Variants in PTPRM observed in about 807,000 individuals in gnomAD.
PTPRM encodes the protein receptor-type tyrosine-protein phosphatase mu.
A neutral mutation model predicts 186.7 loss-of-function variants in PTPRM; 47 were observed. That is an observed-to-expected ratio of 0.25 (90% CI 0.20 to 0.32). The LOEUF (loss-of-function observed/expected upper bound fraction) is 0.32, where lower values mean the gene tolerates loss of function less well. Ranked by LOEUF, PTPRM falls within the 10% of genes least tolerant of loss-of-function variation. The pLI is 1.00. For synonymous variants in PTPRM, 668 were observed against 674.9 expected, an observed-to-expected ratio of 0.99 and a Z score of 0.16; for missense variants, 1,494 against 1,865.0, an observed-to-expected ratio of 0.80 and a Z score of 3.66.
intron 14 of PTPRM, among the ~76,000 whole-genome samples, chr18:8,176,540 G>GTCAACTATTAAGCTTAACC (rs1248336767): frequency 6.6e-6 from 1 of 152,126 alleles, no homozygotes; most frequent in African/African-American, 2.4e-5. Flanking sequence ...GAACATTGCT[G>GTCAACTATTAAGCTTAACC]TCAACTATTA....
chr18:8,281,911 C>T (rs1277461833), intron 19 of PTPRM, among the ~76,000 whole-genome samples: 1 of 152,048 alleles, frequency 6.6e-6, no homozygotes, highest in Admixed American at 6.6e-5. Context: ...TTAGCCATTA[C>T]ACCAAAAGCA....
chr18:7,916,523 G>A (rs1304987620), intron 4 of PTPRM, among the ~76,000 whole-genome samples: 1 of 152,156 alleles, frequency 6.6e-6, no homozygotes, highest in Admixed American at 6.5e-5. Context: ...TCAGGTTATG[G>A]TGAGGACCCT....
intron 6 of PTPRM, among the ~76,000 whole-genome samples, chr18:7,953,589 T>C (rs552718912): frequency 5.3e-5 from 8 of 152,340 alleles, no homozygotes; most frequent in African/African-American, 1.9e-4. Context: ...TATTTTGACT[T>C]AGTCGAGTGA....
chr18:8,171,690 G>A (rs572626780), intron 14 of PTPRM, among the ~76,000 whole-genome samples: 165 of 152,254 alleles, frequency 1.1e-3, no homozygotes, highest in Admixed American at 2.1e-3. Flanking sequence ...AGATTTTTCC[G>A]AGTCTTTCTT....
rs562996174 is a variant in PTPRM at position 7,832,418 on chromosome 18, A to G, written c.197-55688A>G. Among the ~76,000 whole-genome samples, 16 of 152,244 alleles carry G rather than the reference A, an allele frequency of 1.1e-4. 1 individual carries two copies. The South Asian group carries it at 3.3e-3, about 32-fold the overall frequency. On this transcript the variant is annotated intron_variant, in intron 2 of 32. Transcript: ENST00000580170. The stretch of plus-strand genomic sequence containing the variant: ...TTTCATATGCCTGTTTGCCACTTGT[A>G]TGTCTTCTTTTGAGACGTGTCTATT...
At chr18:7,762,113 A>T (rs1341908765) in intron 1 of PTPRM, among the ~76,000 whole-genome samples, 1 of 152,176 alleles carries the variant, frequency 6.6e-6, no homozygotes, top group East Asian at 1.9e-4. Flanking sequence ...AGGACCGCCC[A>T]GTGCAATAGA....
intron 9 of PTPRM, among the ~76,000 whole-genome samples, chr18:8,076,905 T>C (rs2089852505): frequency 6.6e-6 from 1 of 152,200 alleles, no homozygotes; most frequent in Non-Finnish European, 1.5e-5. Flanking sequence ...CTATTCTTGC[T>C]TAGCTATTAA....
intron 11 of PTPRM, among the ~76,000 whole-genome samples, chr18:8,104,343 T>G (rs2091425459): frequency 6.6e-6 from 1 of 152,222 alleles, no homozygotes; most frequent in South Asian, 2.1e-4. Context: ...TCTCTGGGGT[T>G]TATCCCTACT....
At chr18:7,583,045 G>T (rs2036886753) in intron 1 of PTPRM, among the ~76,000 whole-genome samples, 1 of 152,164 alleles carries the variant, frequency 6.6e-6, no homozygotes, top group South Asian at 2.1e-4. Context: ...GTCCAGAATA[G>T]CTGCTGTTAT....
intron 1 of PTPRM, among the ~76,000 whole-genome samples, chr18:7,602,905 AATT>A (rs71354561): frequency 0.021 from 2,983 of 141,664 alleles, 88 homozygotes; most frequent in African/African-American, 0.066. Flanking sequence ...ATGTATTTGG[AATT>A]ATTATTATTA....
At chr18:7,606,261 C>T (rs1043245201) in intron 1 of PTPRM, among the ~76,000 whole-genome samples, 1 of 151,918 alleles carries the variant, frequency 6.6e-6, no homozygotes, top group African/African-American at 2.4e-5. Context: ...TTAGGGGACC[C>T]TTAGGATCTG....
In PTPRM at chr18:8,183,181, C is replaced by G. The variant is rs141536186; in HGVS notation, c.2300+39402C>G. Among the ~76,000 whole-genome samples, 61 of 152,318 alleles carry G rather than the reference C, an allele frequency of 4.0e-4. 1 individual carries two copies. In the East Asian group the frequency reaches 0.011, roughly 26 times the overall value. On this transcript the variant is annotated intron_variant, in intron 14 of 32. Coordinates refer to ENST00000580170, the MANE Select transcript of PTPRM (RefSeq NM_001105244.2). ...ACCTAAACAAAATAAACCATAGCTT[C>G]TAAATGGATTTAGACATTAAAAGCC...
intron 7 of PTPRM, among the ~76,000 whole-genome samples, chr18:8,064,885 G>A (rs1482126615): frequency 6.6e-6 from 1 of 152,164 alleles, no homozygotes; most frequent in African/African-American, 2.4e-5. Context: ...TAAAGTAAAG[G>A]GAGCTATTGC....
chr18:7,629,653 G>A (rs1260933852), intron 1 of PTPRM, among the ~76,000 whole-genome samples: 1 of 152,142 alleles, frequency 6.6e-6, no homozygotes, highest in Non-Finnish European at 1.5e-5. Flanking sequence ...AGACATATAG[G>A]TGTGAGCCAG....
At chr18:8,101,822 G>A (rs1294544117) in intron 11 of PTPRM, among the ~76,000 whole-genome samples, 1 of 152,178 alleles carries the variant, frequency 6.6e-6, no homozygotes, top group East Asian at 1.9e-4. Context: ...CACTTTGCTT[G>A]ATCAGAAGAC....
chr18:7,665,664 C>T (rs1261307107), intron 1 of PTPRM, among the ~76,000 whole-genome samples: 4 of 152,116 alleles, frequency 2.6e-5, no homozygotes, highest in African/African-American at 9.7e-5. Flanking sequence ...CAGTGGCTCA[C>T]ACCTGTAATC....
At chr18:7,977,971 T>A (rs780673133) in intron 7 of PTPRM, among the ~76,000 whole-genome samples, 20 of 152,210 alleles carry the variant, frequency 1.3e-4, no homozygotes, top group Admixed American at 6.5e-5. Flanking sequence ...ACTCAAATCT[T>A]GTTGACTGGG....
At chr18:7,969,639 C>A in intron 7 of PTPRM, among the ~76,000 whole-genome samples, 1 of 120,948 alleles carries the variant, frequency 8.3e-6, no homozygotes. Context: ...ACCACCAATC[C>A]CACAGAAATA....
intron 4 of PTPRM, among the ~76,000 whole-genome samples, chr18:7,922,750 C>G (rs999198280): frequency 6.6e-6 from 1 of 151,664 alleles, no homozygotes; most frequent in African/African-American, 2.4e-5. Context: ...TCAGAACTGG[C>G]AAAAATGCAT....
Sources: gnomAD v4.1 joint callset for allele counts (sites outside exome capture counted in the v4.1 genomes callset) on GRCh38, gnomAD v4.1.1 for gene constraint, MANE v1.5 for transcripts, NCBI Gene and HGNC (gene_info 2026-07-23, HGNC 2026-07-21) for gene names.